Variants in PRR5L observed in about 807,000 individuals in gnomAD.
PRR5L encodes proline rich 5 like, also known as proline-rich protein 5-like.
A neutral mutation model predicts 36.4 loss-of-function variants in PRR5L; 21 were observed. The observed-to-expected ratio is 0.58, with a 90% CI of 0.41 to 0.83. The LOEUF is 0.83. Ranked by LOEUF, PRR5L falls within the 40% of genes least tolerant of loss-of-function variation. PRR5L has a pLI of 0.00. For synonymous variants in PRR5L, 188 were observed against 197.0 expected (o/e 0.95, Z 0.38); for missense variants, 381 against 473.3 (o/e 0.80, Z 1.81).
Position 36,462,642 on chromosome 11 carries a change from G to A in PRR5L, c.1013G>A (p.Ser338Asn), listed in dbSNP as rs1289196699. The part of the protein sequence containing the change: ...SFPPPHRQCS[S>N]EPNITDNPDG... ...CCCCCGCCCCACCGGCAGTGCTCCAGTGAGCCCAACATCACTGACAACCCT... is the reference window on the plus strand; with the variant it reads ...CCCCCGCCCCACCGGCAGTGCTCCAATGAGCCCAACATCACTGACAACCCT... Residue 338 changes from serine (S) to asparagine (N), a missense_variant, in exon 9 of 9, where the codon AGT becomes AAT. Transcript: ENST00000530639. The A allele has an allele frequency of 1.1e-5, 17 of 1,612,054 alleles. No homozygotes were observed. The highest frequency in any genetic ancestry group is 1.3e-5 in the African/African-American group (1 of 74,898).
intron 1 of PRR5L, among the ~76,000 whole-genome samples, chr11:36,349,381 C>T (rs1455542215): frequency 6.6e-6 from 1 of 152,062 alleles, no homozygotes; most frequent in Non-Finnish European, 1.5e-5. Context: ...CTTGTACTTG[C>T]CTCTTTCTGG....
At chr11:36,361,894 G>T (rs1187942136) in intron 1 of PRR5L, among the ~76,000 whole-genome samples, 1 of 152,016 alleles carries the variant, frequency 6.6e-6, no homozygotes, top group East Asian at 1.9e-4. Flanking sequence ...TCCCTCGAGG[G>T]GCTTGGGAGA....
intron 1 of PRR5L, among the ~76,000 whole-genome samples, chr11:36,372,341 T>A (rs1002428032): frequency 1.1e-4 from 17 of 152,140 alleles, no homozygotes; most frequent in African/African-American, 4.1e-4. Flanking sequence ...ACAACGGACC[T>A]CTGGAAGAAC....
intron 4 of PRR5L, among the ~76,000 whole-genome samples, chr11:36,424,332 T>G (rs1858334229): frequency 6.6e-6 from 1 of 152,186 alleles, no homozygotes; most frequent in Non-Finnish European, 1.5e-5. Flanking sequence ...AGGACAGAAT[T>G]CCTCCTAAAT....
At chr11:36,459,334 C>G (rs1348479962) in intron 8 of PRR5L, among the ~76,000 whole-genome samples, 1 of 152,212 alleles carries the variant, frequency 6.6e-6, no homozygotes, top group Non-Finnish European at 1.5e-5. Context: ...TGTTTCTGCC[C>G]TAGCGCAGCC....
At chr11:36,311,003 A>AAAG (rs1461910771) in intron 1 of PRR5L, among the ~76,000 whole-genome samples, 3 of 151,076 alleles carry the variant, frequency 2.0e-5, no homozygotes, top group Non-Finnish European at 4.4e-5. Context: ...TCCAAAAAAA[A>AAAG]AAAAAAAAAA....
At chr11:36,378,481 T>C (rs990640155) in intron 1 of PRR5L, among the ~76,000 whole-genome samples, 2 of 152,212 alleles carry the variant, frequency 1.3e-5, no homozygotes, top group Non-Finnish European at 2.9e-5. Context: ...TTACTGATGC[T>C]TCTAACAACT....
At chr11:36,367,532 C>T (rs2133508057) in intron 1 of PRR5L, among the ~76,000 whole-genome samples, 1 of 152,324 alleles carries the variant, frequency 6.6e-6, no homozygotes, top group South Asian at 2.1e-4. Flanking sequence ...TACCAGGTCT[C>T]AGTCCAAACC....
chr11:36,354,869 A>G (rs776600635), intron 1 of PRR5L, among the ~76,000 whole-genome samples: 1 of 152,198 alleles, frequency 6.6e-6, no homozygotes, highest in Non-Finnish European at 1.5e-5. Flanking sequence ...AAAAGTGAAG[A>G]CTAAACTGGA....
intron 1 of PRR5L, among the ~76,000 whole-genome samples, chr11:36,391,759 T>G (rs1014342936): frequency 3.9e-5 from 6 of 152,240 alleles, no homozygotes; most frequent in African/African-American, 1.4e-4. Flanking sequence ...AGGCATGCAA[T>G]GCATAATAAT....
chr11:36,407,105 T>C (rs963747104), intron 3 of PRR5L, among the ~76,000 whole-genome samples: 2 of 152,056 alleles, frequency 1.3e-5, no homozygotes, highest in Non-Finnish European at 1.5e-5. Context: ...CTGTGAACAG[T>C]TAAGAAATAG....
intron 4 of PRR5L, 89 bp from the exon 5 acceptor site, chr11:36,431,764 G>A (rs941680749): frequency 5.8e-6 from 7 of 1,215,720 alleles, no homozygotes; most frequent in Non-Finnish European, 8.5e-6. Context: ...CTAGAACTCT[G>A]TGCCCTTGCC....
At chr11:36,309,468 T>C (rs1014365998) in intron 1 of PRR5L, among the ~76,000 whole-genome samples, 13 of 152,228 alleles carry the variant, frequency 8.5e-5, no homozygotes, top group Non-Finnish European at 1.5e-4. Context: ...GTTTTAAGAA[T>C]AAAATTATCA....
rs553585890 is a variant in PRR5L, at chr11:36,462,862, C to G, written c.*126C>G. ...TGCCTTATTTCCTTTAGGGTACTGT[C>G]CTGGTCAAAATGACCTAAGGGGAAA... On this transcript the variant is annotated 3_prime_UTR_variant, in exon 9 of 9. Coordinates refer to ENST00000530639, the MANE Select transcript of PRR5L (RefSeq NM_001160167.2). The G allele has an allele frequency of 3.2e-6, 3 of 933,920 alleles. No individual in the cohort carries two copies. In the East Asian group the frequency reaches 8.5e-5, roughly 26 times the overall value. The allele number at this position is 933,920 out of a possible 1,614,324, so 57.9% of individuals were successfully genotyped here.
chr11:36,416,632 C>T (rs1054162991), intron 3 of PRR5L, among the ~76,000 whole-genome samples: 1 of 152,178 alleles, frequency 6.6e-6, no homozygotes, highest in Non-Finnish European at 1.5e-5. Flanking sequence ...AAGTCTTTGT[C>T]TTGGAAGTTG....
intron 1 of PRR5L, among the ~76,000 whole-genome samples, chr11:36,309,488 A>G (rs1005391772): frequency 3.3e-5 from 5 of 152,330 alleles, no homozygotes; most frequent in African/African-American, 4.8e-5. Flanking sequence ...AGGCATATCT[A>G]TGGTTTTCAA....
intron 1 of PRR5L, among the ~76,000 whole-genome samples, chr11:36,313,973 G>A (rs2133457595): frequency 6.6e-6 from 1 of 152,300 alleles, no homozygotes; most frequent in Non-Finnish European, 1.5e-5. Flanking sequence ...TAACAGCTGT[G>A]TGGTTTTGAC....
At chr11:36,425,707 TG>T (rs1858367071) in intron 4 of PRR5L, 1 of 152,096 alleles carries the variant, frequency 6.6e-6, no homozygotes, top group Non-Finnish European at 1.5e-5. Flanking sequence ...TCTCTGGGCC[TG>T]GGAGTAAGTT....
rs7131176 is a variant in PRR5L at position 36,431,719 on chromosome 11, T to C, written c.295-134T>C. On this transcript the variant is annotated intron_variant, in intron 4 of 8. Coordinates refer to ENST00000530639, the MANE Select transcript of PRR5L (RefSeq NM_001160167.2). ...TAACCTTCCAAGAGGAAAAAAGGCT[T>C]CTTAAACTCCGAGGCACGGCTAGAA... 9,597 of 721,392 alleles carry C rather than the reference T, an allele frequency of 0.013. 671 individuals are homozygous for C. In the African/African-American group the frequency reaches 0.15, roughly 11 times the overall value. 44.7% of individuals were successfully genotyped at this position (721,392 alleles called of 1,614,324 possible).
Sources: allele counts gnomAD v4.1 joint callset (sites outside exome capture counted in the v4.1 genomes callset), GRCh38; gene constraint gnomAD v4.1.1; transcripts MANE v1.5; gene names NCBI Gene and HGNC (gene_info 2026-07-23, HGNC 2026-07-21).